Variants in XYLB observed in about 807,000 individuals in gnomAD.
XYLB encodes xylulose kinase.
A neutral mutation model predicts 78.7 loss-of-function variants in XYLB; 62 were observed. The ratio of observed to expected loss-of-function variants is 0.79; its 90% CI spans 0.64 to 0.97. The LOEUF (loss-of-function observed/expected upper bound fraction) is 0.97, where lower values mean the gene tolerates loss of function less well. Among genes scored for constraint, XYLB ranks in the 50% least tolerant of loss-of-function variants. The pLI is 0.00. For missense variants in XYLB, 687 were observed against 676.8 expected, an observed-to-expected ratio of 1.02 and a Z score of -0.17; for synonymous variants, 245 against 247.4, an observed-to-expected ratio of 0.99 and a Z score of 0.09.
chr3:38,412,480 G>A (rs1398951214), intron 18 of XYLB, among the ~76,000 whole-genome samples: 2 of 152,068 alleles, frequency 1.3e-5, no homozygotes, highest in Non-Finnish European at 2.9e-5. Flanking sequence ...AATGTTTAGT[G>A]GTATCAAAGA....
intron 2 of XYLB, among the ~76,000 whole-genome samples, chr3:38,350,095 C>G (rs1229382760): frequency 6.6e-6 from 1 of 152,188 alleles, no homozygotes; most frequent in Non-Finnish European, 1.5e-5. Context: ...TCGTGAGGGC[C>G]TGGTAAAAGT....
intron 10 of XYLB, 129 bp from the exon 11 acceptor site, chr3:38,374,333 C>A: frequency 7.4e-7 from 1 of 1,357,728 alleles, no homozygotes; most frequent in Non-Finnish European, 1.0e-6. Context: ...TCCCCTGCTC[C>A]TGCCTCCACC....
Position 38,379,228 on chromosome 3 carries a change from A to G in XYLB, c.1195-18A>G, listed in dbSNP as rs1707022759. On this transcript the variant is annotated intron_variant, in intron 14 of 18. Transcript: ENST00000207870. Reference sequence around the variant, plus strand: ...AATGAGAGTTCCTTACTCTGTGCCCACCTTTTCCTGGAGACAGGTTGCAGC... The same window carrying G: ...AATGAGAGTTCCTTACTCTGTGCCCGCCTTTTCCTGGAGACAGGTTGCAGC... 3 of 1,613,610 alleles carry G rather than the reference A, an allele frequency of 1.9e-6. No homozygotes were observed. Among genetic ancestry groups the G allele is most frequent in the South Asian group, 1.1e-5 (1 of 91,078 alleles).
At chr3:38,383,631 C>T (rs1243939855) in intron 15 of XYLB, among the ~76,000 whole-genome samples, 2 of 151,986 alleles carry the variant, frequency 1.3e-5, no homozygotes, top group Non-Finnish European at 2.9e-5. Flanking sequence ...TTATAAATAT[C>T]CCAGTATAGT....
chr3:38,409,725 C>G (rs1292593289), intron 18 of XYLB, among the ~76,000 whole-genome samples: 1 of 152,164 alleles, frequency 6.6e-6, no homozygotes, highest in African/African-American at 2.4e-5. Context: ...AAATCACAAG[C>G]ATTCTTATAC....
intron 15 of XYLB, among the ~76,000 whole-genome samples, chr3:38,393,213 C>T (rs937697845): frequency 2.8e-4 from 43 of 152,018 alleles, no homozygotes; most frequent in Admixed American, 9.2e-4. Context: ...TGCAGCGGCG[C>T]GATCTCAGCT....
chr3:38,415,432 A>G (rs1708755047), downstream of XYLB, among the ~76,000 whole-genome samples: 1 of 152,066 alleles, frequency 6.6e-6, no homozygotes, highest in Non-Finnish European at 1.5e-5. Flanking sequence ...TCTGAGGCCA[A>G]ATGGAAGTGG....
At chr3:38,366,231 T>C (rs1706254617) in intron 6 of XYLB, among the ~76,000 whole-genome samples, 1 of 152,136 alleles carries the variant, frequency 6.6e-6, no homozygotes, top group South Asian at 2.1e-4. Context: ...AGTAGAAGTT[T>C]TGGGGATAGG....
chr3:38,348,711 C>T (rs565303296), intron 2 of XYLB, 79 bp downstream of exon 2: 29 of 1,345,874 alleles, frequency 2.2e-5, no homozygotes, highest in African/African-American at 1.4e-4. Flanking sequence ...ATTCGCAGAC[C>T]GCACTGTTGA....
intron 10 of XYLB, 33 bp from the exon 11 acceptor site, chr3:38,374,429 C>T (rs1706739753): frequency 1.9e-6 from 3 of 1,614,004 alleles, no homozygotes; most frequent in African/African-American, 2.7e-5. Flanking sequence ...CATGTGGCCG[C>T]CAGCTAACCA....
chr3:38,438,161 C>T, the XYLB span, among the ~76,000 whole-genome samples: 1 of 152,104 alleles, frequency 6.6e-6, no homozygotes, highest in East Asian at 1.9e-4. Flanking sequence ...CACAGGAATT[C>T]AAGGCTACAG....
chr3:38,416,524 T>G (rs1708800410), downstream of XYLB, among the ~76,000 whole-genome samples: 1 of 152,150 alleles, frequency 6.6e-6, no homozygotes, highest in Non-Finnish European at 1.5e-5. Flanking sequence ...GACTTACCTA[T>G]TAAAAGGAAT....
chr3:38,382,587 C>T (rs886847671), intron 15 of XYLB, among the ~76,000 whole-genome samples: 6 of 152,166 alleles, frequency 3.9e-5, no homozygotes, highest in South Asian at 4.1e-4. Flanking sequence ...TGTAAAAAGA[C>T]GTTTCCTAAA....
chr3:38,404,825 T>C (rs1352588303), intron 18 of XYLB, among the ~76,000 whole-genome samples: 1 of 152,072 alleles, frequency 6.6e-6, no homozygotes, highest in Admixed American at 6.5e-5. Context: ...AGACCCTGTC[T>C]CAAAAAATAA....
chr3:38,390,290 T>C (rs1202519752), intron 15 of XYLB, among the ~76,000 whole-genome samples: 1 of 152,208 alleles, frequency 6.6e-6, no homozygotes, highest in African/African-American at 2.4e-5. Context: ...CTCGGCTCAC[T>C]GCAACCTCTG....
chr3:38,400,989 A>T lies in XYLB; in HGVS notation c.1533+4A>T, dbSNP rs755057210. The T allele has an allele frequency of 2.5e-6, 4 of 1,613,822 alleles. No homozygotes were observed. The highest frequency in any genetic ancestry group is 3.4e-6 in the Non-Finnish European group (4 of 1,179,822). On this transcript the variant is annotated splice_donor_region_variant and intron_variant, in intron 18 of 18. Transcript: ENST00000207870. ...CCCAAGCCCGGGAGCTTCTCAGGTGAGAGACCATCGGAATTTGTTTGTAGC... is the reference window on the plus strand; with the variant it reads ...CCCAAGCCCGGGAGCTTCTCAGGTGTGAGACCATCGGAATTTGTTTGTAGC...
chr3:38,354,622 C>T (rs1705546425), intron 2 of XYLB, among the ~76,000 whole-genome samples: 1 of 152,010 alleles, frequency 6.6e-6, no homozygotes, highest in African/African-American at 2.4e-5. Flanking sequence ...CCTGTCTCAG[C>T]CTCCCAAGTA....
chr3:38,348,433 G>A (rs887919480), intron 1 of XYLB, 117 bp from the exon 2 acceptor site: 11 of 861,892 alleles, frequency 1.3e-5, no homozygotes, highest in East Asian at 2.5e-5. Flanking sequence ...CTTCAAGGAG[G>A]TCTCTAGGTT....
intron 8 of XYLB, among the ~76,000 whole-genome samples, chr3:38,369,376 G>A (rs1281879984): frequency 1.3e-5 from 2 of 152,148 alleles, no homozygotes; most frequent in Admixed American, 1.3e-4. Context: ...TGTTCCGGGG[G>A]GCATTCCAGA....
Sources: allele counts gnomAD v4.1 joint callset (sites outside exome capture counted in the v4.1 genomes callset), GRCh38; gene constraint gnomAD v4.1.1; transcripts MANE v1.5; gene names NCBI Gene and HGNC (gene_info 2026-07-23, HGNC 2026-07-21).